FBXL2: variants seen among roughly 807,000 people sequenced by gnomAD.
FBXL2 encodes F-box/LRR-repeat protein 2.
Under a neutral mutation model 69.2 loss-of-function variants are expected in FBXL2, and 38 were observed. The ratio of observed to expected loss-of-function variants is 0.55; its 90% confidence interval spans 0.42 to 0.72. The LOEUF (loss-of-function observed/expected upper bound fraction) is 0.72. Among genes scored for constraint, FBXL2 ranks in the 30% least tolerant of loss-of-function variants. FBXL2 has a pLI of 0.00. For synonymous variants in FBXL2, 192 were observed against 201.3 expected (o/e 0.95, Z 0.39); for missense variants, 354 against 520.3 (o/e 0.68, Z 3.11).
chr3:33,281,288 T>C (rs1211325253), intron 1 of FBXL2, among the ~76,000 whole-genome samples: 1 of 151,746 alleles, frequency 6.6e-6, no homozygotes, highest in African/African-American at 2.4e-5. Context: ...AGTGAGAACA[T>C]GCGGTGTTTG....
Position 33,378,729 on chromosome 3 carries a change from A to G in FBXL2, c.939A>G (p.Lys313=), listed in dbSNP as rs2154050673. ...TLIQLSIHCP[K]LQALSLSHCE... ...TCCAGCTCTCCATTCACTGTCCTAA[A>G]CTGCAAGCCCTGGTGAGTCTGAGTT... Residue 313 remains lysine, a synonymous_variant, in exon 13 of 15, where the codon AAA becomes AAG. Transcript: ENST00000484457. The G allele has an allele frequency of 2.5e-6, 4 of 1,614,056 alleles. No homozygotes were observed. The highest frequency in any genetic ancestry group is 1.6e-4 in the Middle Eastern group (1 of 6,062).
intron 2 of FBXL2, among the ~76,000 whole-genome samples, chr3:33,351,109 A>C (rs1307177405): frequency 6.6e-6 from 1 of 152,130 alleles, no homozygotes; most frequent in Non-Finnish European, 1.5e-5. Context: ...CTACCAAAAA[A>C]TACAAAAATT....
chr3:33,398,674 G>A (rs1427935502), intron 12 of FBXL2, among the ~76,000 whole-genome samples: 1 of 152,200 alleles, frequency 6.6e-6, no homozygotes, highest in African/African-American at 2.4e-5. Flanking sequence ...ATAAGGAAAA[G>A]GCAGAAGGCC....
intron 13 of FBXL2, among the ~76,000 whole-genome samples, chr3:33,381,227 T>C (rs1363680206): frequency 6.6e-6 from 1 of 152,254 alleles, no homozygotes; most frequent in Non-Finnish European, 1.5e-5. Context: ...TGTTAACTTC[T>C]TGATTTCTGA....
chr3:33,419,644 A>C, the FBXL2 span, among the ~76,000 whole-genome samples: 2 of 151,370 alleles, frequency 1.3e-5, no homozygotes, highest in African/African-American at 2.4e-5. Context: ...AAAAAAAAAA[A>C]CCAGAAGAAA....
At chr3:33,401,014 T>C (rs777010384) in intron 12 of FBXL2, 17 of 1,591,496 alleles carry the variant, frequency 1.1e-5, no homozygotes, top group Non-Finnish European at 1.3e-5. Context: ...GGAAGAAGAA[T>C]TGCTGGGGAG....
Position 33,289,450 on chromosome 3 carries a change from A to G in FBXL2, c.4-8214A>G, listed in dbSNP as rs1356476980. On this transcript the variant is annotated intron_variant, in intron 1 of 14. Coordinates refer to ENST00000484457, the MANE Select transcript of FBXL2 (RefSeq NM_012157.5). ...GAAAAGTCAGAGAAGGTACAAAATCATAATTTTAAAAAACCTATCAGAGTT... is the reference window on the plus strand; with the variant it reads ...GAAAAGTCAGAGAAGGTACAAAATCGTAATTTTAAAAAACCTATCAGAGTT... Among the ~76,000 whole-genome samples, 3 of 152,198 alleles carry G rather than the reference A, an allele frequency of 2.0e-5. No individual in the cohort carries two copies. In the East Asian group the frequency reaches 5.8e-4, roughly 29 times the overall value.
intron 12 of FBXL2, among the ~76,000 whole-genome samples, chr3:33,395,750 G>GAAAAAAAA (rs61654235): frequency 6.0e-3 from 416 of 69,082 alleles, no homozygotes; most frequent in African/African-American, 8.4e-3. Flanking sequence ...CAGGAAAATT[G>GAAAAAAAA]AAAAAAAAAA....
chr3:33,389,053 CTGATGGA>C (rs144866373), downstream of FBXL2: 455 of 152,598 alleles, frequency 3.0e-3, 1 homozygote, highest in Non-Finnish European at 5.2e-3. Context: ...AACATGCTTG[CTGATGGA>C]TTCTGGGAAG....
At chr3:33,371,138 A>G (rs2042275018) in intron 5 of FBXL2, among the ~76,000 whole-genome samples, 3 of 150,710 alleles carry the variant, frequency 2.0e-5, no homozygotes, top group Non-Finnish European at 3.0e-5. Flanking sequence ...TCATCCAGTA[A>G]AGTTTTATAT....
At chr3:33,292,091 C>G (rs922301559) in intron 1 of FBXL2, among the ~76,000 whole-genome samples, 11 of 152,056 alleles carry the variant, frequency 7.2e-5, no homozygotes, top group African/African-American at 2.7e-4. Context: ...ATTAAAAATA[C>G]ATAACAGGCC....
chr3:33,395,750 G>GAAAAAAAAAAAAAAA (rs61654235), intron 12 of FBXL2, among the ~76,000 whole-genome samples: 2 of 69,778 alleles, frequency 2.9e-5, no homozygotes, highest in Admixed American at 1.8e-4. Flanking sequence ...CAGGAAAATT[G>GAAAAAAAAAAAAAAA]AAAAAAAAAA....
chr3:33,383,586 C>T (rs2043203743), intron 13 of FBXL2: 1 of 221,954 alleles, frequency 4.5e-6, no homozygotes, highest in African/African-American at 2.3e-5. Context: ...CACTGGCATC[C>T]CCTCAAATGG....
chr3:33,373,306 G>C lies in FBXL2; in HGVS notation c.406G>C (p.Asp136His). The change falls in exon 7 of 15, where the codon GAT becomes CAT. Residue 136 changes from aspartate to histidine, a missense_variant. Transcript: ENST00000484457. The stretch of plus-strand genomic sequence containing the variant: ...ATTCTGTTCCAAGCTGAAACATCTG[G>C]ATCTGACCTCCTGTGTGTCTATTAC... Reference protein sequence around the residue: ...SRFCSKLKHLDLTSCVSITNS... With the variant: ...SRFCSKLKHLHLTSCVSITNS... 6.2e-7 allele frequency: 1 copy of C among 1,614,136 alleles called. No homozygotes were observed. The highest frequency in any genetic ancestry group is 8.5e-7 in the Non-Finnish European group (1 of 1,180,004).
At chr3:33,283,004 G>A (rs1288701689) in intron 1 of FBXL2, among the ~76,000 whole-genome samples, 1 of 152,056 alleles carries the variant, frequency 6.6e-6, no homozygotes, top group Non-Finnish European at 1.5e-5. Flanking sequence ...CAGGGACAAT[G>A]TGACTTCCTC....
chr3:33,390,903 A>G (rs1011661998), downstream of FBXL2: 5 of 152,290 alleles, frequency 3.3e-5, no homozygotes, highest in East Asian at 2.0e-4. Flanking sequence ...TCATGACGAC[A>G]AAGTTTAAAA....
intron 1 of FBXL2, among the ~76,000 whole-genome samples, chr3:33,287,287 T>C (rs1344856913): frequency 6.6e-6 from 1 of 152,184 alleles, no homozygotes; most frequent in Non-Finnish European, 1.5e-5. Context: ...TCTATTAATT[T>C]TCTTTCTCTT....
At chr3:33,358,873 A>G in intron 2 of FBXL2, 94 bp from the exon 3 acceptor site, 1 of 666,546 alleles carries the variant, frequency 1.5e-6, no homozygotes, top group Non-Finnish European at 2.4e-6. Context: ...AAACTTATGT[A>G]TCCAGGTGGC....
At chr3:33,381,999 TTACA>T (rs2043096911) in intron 13 of FBXL2, among the ~76,000 whole-genome samples, 1 of 152,234 alleles carries the variant, frequency 6.6e-6, no homozygotes, top group Non-Finnish European at 1.5e-5. Flanking sequence ...TGCTGCCTAG[TTACA>T]TAGCCAGTAG....
Sources: gnomAD v4.1 joint callset for allele counts (sites outside exome capture counted in the v4.1 genomes callset) on GRCh38, gnomAD v4.1.1 for gene constraint, MANE v1.5 for transcripts, NCBI Gene and HGNC (gene_info 2026-07-23, HGNC 2026-07-21) for gene names.